The following SCFD2 variants were observed in gnomAD, a reference collection of about 807,000 sequenced individuals.
SCFD2 encodes the protein sec1 family domain containing 2, also known as sec1 family domain-containing protein 2.
SCFD2 carries 54 observed loss-of-function variants against 58.9 expected under a neutral mutation model. The ratio of observed to expected loss-of-function variants is 0.92; its 90% confidence interval spans 0.74 to 1.15. SCFD2 has a LOEUF of 1.15. Among genes scored for constraint, SCFD2 ranks in the 50% most tolerant of loss-of-function variants. The pLI is 0.00. For synonymous variants in SCFD2, 321 were observed against 335.9 expected, an observed-to-expected ratio of 0.96 and a Z score of 0.49; for missense variants, 805 against 836.6, an observed-to-expected ratio of 0.96 and a Z score of 0.47.
chr4:53,254,328 A>G (rs1053625259), intron 4 of SCFD2, among the ~76,000 whole-genome samples: 1 of 152,102 alleles, frequency 6.6e-6, no homozygotes, highest in African/African-American at 2.4e-5. Flanking sequence ...TGGTTTTATA[A>G]GTGCCTGGCA....
intron 5 of SCFD2, among the ~76,000 whole-genome samples, chr4:52,992,296 CG>C (rs1316312481): frequency 6.6e-6 from 1 of 152,202 alleles, no homozygotes; most frequent in African/African-American, 2.4e-5. Flanking sequence ...CCTGAGGTGC[CG>C]GGATTGCAGA....
intron 2 of SCFD2, among the ~76,000 whole-genome samples, chr4:53,331,724 G>T (rs1284355139): frequency 6.6e-6 from 1 of 152,162 alleles, no homozygotes; most frequent in Non-Finnish European, 1.5e-5. Flanking sequence ...AAAGCTAGCA[G>T]AAGGCAAGAA....
intron 5 of SCFD2, among the ~76,000 whole-genome samples, chr4:53,105,863 G>A (rs1724980436): frequency 6.6e-6 from 1 of 152,052 alleles, no homozygotes; most frequent in Admixed American, 6.6e-5. Flanking sequence ...CTCCTCAATT[G>A]GGTCCCTGAC....
chr4:52,979,892 T>C (rs183545416), intron 5 of SCFD2, among the ~76,000 whole-genome samples: 177 of 152,232 alleles, frequency 1.2e-3, no homozygotes, highest in Non-Finnish European at 1.7e-3. Context: ...ATGAGATCTC[T>C]TGTTCCCCAA....
chr4:53,150,823 G>A (rs969900850), intron 4 of SCFD2, among the ~76,000 whole-genome samples: 5 of 152,168 alleles, frequency 3.3e-5, no homozygotes, highest in African/African-American at 1.2e-4. Flanking sequence ...GGTTTCAAAT[G>A]ACGTAATCCC....
intron 5 of SCFD2, among the ~76,000 whole-genome samples, chr4:52,991,246 C>T (rs978717708): frequency 2.0e-5 from 3 of 152,152 alleles, no homozygotes; most frequent in Non-Finnish European, 2.9e-5. Context: ...GTCTGAAGCA[C>T]TTTGTGTTAC....
intron 5 of SCFD2, among the ~76,000 whole-genome samples, chr4:53,006,140 T>C (rs1319471990): frequency 6.6e-6 from 1 of 152,178 alleles, no homozygotes; most frequent in Non-Finnish European, 1.5e-5. Context: ...GACCCAGTCA[T>C]TCCTCATCAC....
chr4:53,319,830 C>G (rs916549596), intron 2 of SCFD2, among the ~76,000 whole-genome samples: 1 of 152,182 alleles, frequency 6.6e-6, no homozygotes, highest in African/African-American at 2.4e-5. Flanking sequence ...CTAGGCCCAC[C>G]CGTCTCTACT....
intron 5 of SCFD2, among the ~76,000 whole-genome samples, chr4:53,130,647 C>G (rs1276635146): frequency 6.6e-6 from 1 of 152,164 alleles, no homozygotes; most frequent in Non-Finnish European, 1.5e-5. Context: ...GGTATCCCAT[C>G]CCCCTGGCAA....
chr4:53,200,177 C>A (rs1346091362), intron 4 of SCFD2, among the ~76,000 whole-genome samples: 1 of 152,096 alleles, frequency 6.6e-6, no homozygotes, highest in Non-Finnish European at 1.5e-5. Context: ...GCACTGAGGT[C>A]ATTGGCCAAA....
Position 53,365,686 on chromosome 4 carries a change from C to T in SCFD2, c.256G>A (p.Val86Met), listed in dbSNP as rs1313855280. The stretch of plus-strand genomic sequence containing the variant: ...CAGATGATGTCCCGTAGGATCTCCA[C>T]GGTCCGGCCTTTCAGCAGGCAGCTC... ...VLSCLLKGRT[V>M]EILRDIICRS... The change falls in exon 1 of 9, where the codon GTG becomes ATG. Residue 86 changes from valine (V) to methionine (M), a missense_variant. By Grantham distance (21) the Val-to-Met change is conservative. Around this residue, in one of 3 missense-constraint regions of SCFD2, gnomAD observed 155 missense variants for 149.7 expected, o/e 1.04. Coordinates refer to ENST00000401642, the MANE Select transcript of SCFD2 (RefSeq NM_152540.4). The surrounding 1 kb of genome is among the most constrained non-coding windows in gnomAD (Gnocchi z 4.3). 1 of 1,614,208 alleles carries T rather than the reference C, an allele frequency of 6.2e-7. No individual in the cohort carries two copies. Among genetic ancestry groups the T allele is most frequent in the Admixed American group, 1.7e-5 (1 of 60,022 alleles).
In SCFD2 at chr4:52,885,884, A is replaced by G; in HGVS notation, c.1843-18T>C. 6.2e-7 allele frequency: 1 copy of G among 1,613,632 alleles called. No individual in the cohort carries two copies. On this transcript the variant is annotated intron_variant, in intron 7 of 8. Transcript: ENST00000401642. ...CGGCTCACCTGCAAAACAAAACACC[A>G]GCAATATCAGATGGATGGCAGTGAT... is the stretch of plus-strand genomic sequence containing the variant.
chr4:53,058,847 G>T (rs1723423750), intron 5 of SCFD2, among the ~76,000 whole-genome samples: 3 of 152,062 alleles, frequency 2.0e-5, no homozygotes, highest in Non-Finnish European at 4.4e-5. Flanking sequence ...AGTAAAAACA[G>T]GTACCACAAA....
intron 3 of SCFD2, among the ~76,000 whole-genome samples, chr4:53,275,374 G>C (rs1281154337): frequency 6.6e-6 from 1 of 152,124 alleles, no homozygotes; most frequent in Admixed American, 6.5e-5. Context: ...ATAAGTAGGA[G>C]GGTGAGTCTC....
chr4:53,123,494 G>A (rs1194520540), intron 5 of SCFD2, among the ~76,000 whole-genome samples: 3 of 132,056 alleles, frequency 2.3e-5, no homozygotes, highest in Non-Finnish European at 4.7e-5. Flanking sequence ...CCAAACCAGT[G>A]CCCTAAGGGT....
chr4:53,193,702 A>G (rs553775830), intron 4 of SCFD2, among the ~76,000 whole-genome samples: 1 of 152,346 alleles, frequency 6.6e-6, no homozygotes, highest in South Asian at 2.1e-4. Context: ...GAAAAGTACA[A>G]TGGAGTACAT....
At chr4:53,301,504 C>T (rs949818728) in intron 3 of SCFD2, among the ~76,000 whole-genome samples, 17 of 152,134 alleles carry the variant, frequency 1.1e-4, no homozygotes, top group African/African-American at 3.4e-4. Flanking sequence ...GGATTCACAG[C>T]CGAATTCTAC....
chr4:53,298,822 C>T (rs1327109853), intron 3 of SCFD2, among the ~76,000 whole-genome samples: 1 of 152,130 alleles, frequency 6.6e-6, no homozygotes, highest in Admixed American at 6.6e-5. Flanking sequence ...GCTGCTGATA[C>T]CCAGGCAAAA....
At chr4:53,079,924 A>T (rs1263300219) in intron 5 of SCFD2, among the ~76,000 whole-genome samples, 1 of 152,228 alleles carries the variant, frequency 6.6e-6, no homozygotes, top group Non-Finnish European at 1.5e-5. Context: ...TATAAGATTT[A>T]TGTGCATAAA....
Sources: gnomAD v4.1 joint callset for allele counts (sites outside exome capture counted in the v4.1 genomes callset) on GRCh38, gnomAD v4.1.1 for gene constraint, gnomAD v4.1.1 regional missense constraint, Gnocchi (gnomAD v3.1) non-coding constraint, MANE v1.5 for transcripts, NCBI Gene and HGNC (gene_info 2026-07-23, HGNC 2026-07-21) for gene names.